Variants in SLC24A2 observed in about 807,000 individuals in gnomAD.
SLC24A2 encodes the protein sodium/potassium/calcium exchanger 2.
SLC24A2 carries 36 observed loss-of-function variants against 62.0 expected under a neutral mutation model. The observed-to-expected ratio is 0.58, with a 90% CI of 0.44 to 0.77. The LOEUF is 0.77. Ranked by LOEUF, SLC24A2 falls within the 30% of genes least tolerant of loss-of-function variation. The probability of loss-of-function intolerance (pLI) is 0.00; values close to 1 mark genes in which losing one functional copy is unlikely to be tolerated. For missense variants in SLC24A2, 846 were observed against 817.9 expected, an observed-to-expected ratio of 1.03 and a Z score of -0.42; for synonymous variants, 358 against 294.0, an observed-to-expected ratio of 1.22 and a Z score of -2.23.
At chr9:19,670,097 G>A (rs542628228) in intron 2 of SLC24A2, among the ~76,000 whole-genome samples, 8 of 152,214 alleles carry the variant, frequency 5.3e-5, no homozygotes, top group South Asian at 2.1e-4. Context: ...ATATCATTCC[G>A]TCTCACAAGT....
At chr9:19,851,844 C>T in the SLC24A2 span, among the ~76,000 whole-genome samples, 2 of 151,974 alleles carry the variant, frequency 1.3e-5, no homozygotes, top group Non-Finnish European at 2.9e-5. Flanking sequence ...GGGTATATAC[C>T]CAGTAATGGA....
chr9:19,853,632 C>T, the SLC24A2 span, among the ~76,000 whole-genome samples: 1 of 152,156 alleles, frequency 6.6e-6, no homozygotes, highest in Admixed American at 6.5e-5. Context: ...ATATGTTGAA[C>T]CAGCCTTGCA....
the SLC24A2 span, among the ~76,000 whole-genome samples, chr9:19,801,823 G>T: frequency 6.6e-6 from 1 of 152,080 alleles, no homozygotes; most frequent in African/African-American, 2.4e-5. Context: ...CTCAGTATTA[G>T]GAAATAATCA....
chr9:20,130,800 G>A, the SLC24A2 span, among the ~76,000 whole-genome samples: 38 of 152,280 alleles, frequency 2.5e-4, no homozygotes, highest in Non-Finnish European at 4.0e-4. Flanking sequence ...GATTGCAGAT[G>A]CAAGGCAATG....
rs971493039 is a variant in SLC24A2, at chr9:19,509,998, A to T, written c.*6155T>A. 6.6e-6 allele frequency: 1 copy of T among 152,164 alleles called. No homozygotes were observed. The highest frequency in any genetic ancestry group is 1.9e-4 in the East Asian group (1 of 5,196). The allele number at this position is 152,164 out of a possible 1,614,324, so 9.4% of individuals were successfully genotyped here. A position where few individuals can be genotyped will look rare whatever the true frequency, so the allele number is the denominator to read the frequency against. On this transcript the variant is annotated 3_prime_UTR_variant, in exon 11 of 11. Coordinates refer to ENST00000341998, the MANE Select transcript of SLC24A2 (RefSeq NM_020344.4). ...AAGTGGAGATCCAATCATTTATCCC[A>T]GTTTCATATTTAAAATAAAAATATT...
the SLC24A2 span, among the ~76,000 whole-genome samples, chr9:19,930,520 AC>A: frequency 6.6e-6 from 1 of 152,094 alleles, no homozygotes; most frequent in Non-Finnish European, 1.5e-5. Context: ...TCATGAAGTG[AC>A]CCATGATTGT....
chr9:19,872,939 T>A, the SLC24A2 span, among the ~76,000 whole-genome samples: 1 of 152,192 alleles, frequency 6.6e-6, no homozygotes, highest in Non-Finnish European at 1.5e-5. Flanking sequence ...ATCCCTCATG[T>A]CTAAATTCAA....
At chr9:20,221,283 G>A in the SLC24A2 span, among the ~76,000 whole-genome samples, 3 of 152,046 alleles carry the variant, frequency 2.0e-5, no homozygotes, top group African/African-American at 7.2e-5. Flanking sequence ...AAAGCTAATC[G>A]TGGCTTAGGA....
At chr9:20,197,050 A>G in the SLC24A2 span, among the ~76,000 whole-genome samples, 1 of 152,176 alleles carries the variant, frequency 6.6e-6, no homozygotes, top group Non-Finnish European at 1.5e-5. Context: ...AATGTTGAAC[A>G]TTGGATTAGG....
chr9:20,073,680 T>C, the SLC24A2 span, among the ~76,000 whole-genome samples: 1 of 152,040 alleles, frequency 6.6e-6, no homozygotes, highest in East Asian at 1.9e-4. Flanking sequence ...TCGTTAAAAC[T>C]CATTCACCAT....
intron 2 of SLC24A2, among the ~76,000 whole-genome samples, chr9:19,626,707 A>G (rs940956616): frequency 6.6e-6 from 1 of 152,232 alleles, no homozygotes; most frequent in African/African-American, 2.4e-5. Context: ...GAATTCAGGA[A>G]GATCTGGTGA....
At chr9:20,275,276 T>C in the SLC24A2 span, among the ~76,000 whole-genome samples, 1 of 152,036 alleles carries the variant, frequency 6.6e-6, no homozygotes, top group African/African-American at 2.4e-5. Flanking sequence ...ACGGTACCAA[T>C]GAAGGACACA....
chr9:20,266,199 C>G, the SLC24A2 span, among the ~76,000 whole-genome samples: 28 of 152,214 alleles, frequency 1.8e-4, no homozygotes, highest in African/African-American at 5.3e-4. Context: ...TCGTACACTC[C>G]CTCCCCTTTG....
chr9:20,237,826 TCTC>T, the SLC24A2 span, among the ~76,000 whole-genome samples: 1 of 152,098 alleles, frequency 6.6e-6, no homozygotes, highest in Admixed American at 6.5e-5. Flanking sequence ...ATAGAAGTAG[TCTC>T]CTCATTTCCC....
the SLC24A2 span, among the ~76,000 whole-genome samples, chr9:19,852,498 A>C: frequency 2.6e-4 from 40 of 152,148 alleles, no homozygotes; most frequent in Non-Finnish European, 1.2e-4. Flanking sequence ...TTTTTTATAT[A>C]AGGTATAAGG....
intron 7 of SLC24A2, among the ~76,000 whole-genome samples, chr9:19,562,044 G>C (rs767675147): frequency 6.6e-6 from 1 of 152,170 alleles, no homozygotes. Flanking sequence ...TTTCTGAAGA[G>C]TCTGGTGAAA....
At chr9:19,627,360 C>T (rs770648739) in intron 2 of SLC24A2, among the ~76,000 whole-genome samples, 22 of 152,102 alleles carry the variant, frequency 1.4e-4, no homozygotes, top group African/African-American at 2.2e-4. Context: ...TAGATATCTT[C>T]GCCAATATGG....
At chr9:19,924,947 C>G in the SLC24A2 span, among the ~76,000 whole-genome samples, 2 of 152,220 alleles carry the variant, frequency 1.3e-5, no homozygotes, top group African/African-American at 4.8e-5. Context: ...AGGCTCAGTA[C>G]TCTTGAAAGT....
rs546324690 is a variant in SLC24A2 at position 19,671,270 on chromosome 9, G to C, written c.931-48971C>G. Reference sequence around the variant, plus strand: ...CTTGTAGAAGTCTTTTACCTCCTTGGTTAGGTATATTCCTCAGTATTTTAT... The same window carrying C: ...CTTGTAGAAGTCTTTTACCTCCTTGCTTAGGTATATTCCTCAGTATTTTAT... On this transcript the variant is annotated intron_variant, in intron 2 of 10. Transcript: ENST00000341998. Among the ~76,000 whole-genome samples, 4 of 151,856 alleles carry C rather than the reference G, an allele frequency of 2.6e-5. No individual in the cohort carries two copies. In the East Asian group the frequency reaches 7.9e-4, roughly 30 times the overall value.
Sources: gnomAD v4.1 joint callset for allele counts (sites outside exome capture counted in the v4.1 genomes callset) on GRCh38, gnomAD v4.1.1 for gene constraint, MANE v1.5 for transcripts, NCBI Gene and HGNC (gene_info 2026-07-23, HGNC 2026-07-21) for gene names.